Variants in PCSK5 observed in about 807,000 individuals in gnomAD.
PCSK5 encodes the protein proprotein convertase subtilisin/kexin type 5, also known as prohormone convertase 5.
Under a neutral mutation model 233.2 loss-of-function variants are expected in PCSK5, and 129 were observed. The ratio of observed to expected loss-of-function variants is 0.55; its 90% CI spans 0.48 to 0.64. PCSK5 has a LOEUF of 0.64. PCSK5 is among the 30% of genes least tolerant of loss of function. The pLI, the probability that PCSK5 is intolerant of heterozygous loss-of-function variation, is 0.00. For synonymous variants in PCSK5, 825 were observed against 879.2 expected (o/e 0.94, Z 1.09); for missense variants, 2,076 against 2,430.1 (o/e 0.85, Z 3.06).
intron 12 of PCSK5, among the ~76,000 whole-genome samples, chr9:76,160,447 T>C (rs1022858620): frequency 6.6e-6 from 1 of 152,144 alleles, no homozygotes; most frequent in Non-Finnish European, 1.5e-5. Flanking sequence ...TTTTTTTTTC[T>C]CTCAGAAGAA....
Position 76,240,695 on chromosome 9 carries a change from T to A in PCSK5, c.3142+11T>A. ...TGGGATGCAGCTTGGGTATGTCCTC[T>A]TCCTTTGTCACCTAAAGAGTTGAAA... On this transcript the variant is annotated intron_variant, in intron 24 of 37. Transcript: ENST00000674117. The A allele has an allele frequency of 6.4e-7, 1 of 1,560,700 alleles. No homozygotes were observed. The highest frequency in any genetic ancestry group is 8.7e-7 in the Non-Finnish European group (1 of 1,145,518).
At chr9:76,175,286 C>CTAATCGAATA in intron 14 of PCSK5, 157 bp downstream of exon 14, 2 of 540,668 alleles carry the variant, frequency 3.7e-6, no homozygotes, top group Non-Finnish European at 6.4e-6. Context: ...CGAATCGAAT[C>CTAATCGAATA]GAATCGAATA....
intron 10 of PCSK5, among the ~76,000 whole-genome samples, chr9:76,138,856 C>G (rs1223151719): frequency 6.6e-6 from 1 of 152,020 alleles, no homozygotes; most frequent in East Asian, 1.9e-4. Context: ...GGTTACCACG[C>G]CTTCCATTTC....
intron 33 of PCSK5, among the ~76,000 whole-genome samples, chr9:76,331,603 C>T (rs570591696): frequency 6.7e-6 from 1 of 150,032 alleles, no homozygotes; most frequent in East Asian, 2.0e-4. Flanking sequence ...GAAGGTGGAG[C>T]TTGCAGTGAG....
chr9:75,973,066 C>T (rs1026747726), intron 2 of PCSK5, among the ~76,000 whole-genome samples: 1 of 140,000 alleles, frequency 7.1e-6, no homozygotes, highest in African/African-American at 2.6e-5. Context: ...CCCCACTATG[C>T]CTCAGTCTCC....
intron 21 of PCSK5, among the ~76,000 whole-genome samples, chr9:76,230,163 G>C (rs1826031156): frequency 6.6e-6 from 1 of 152,156 alleles, no homozygotes; most frequent in Non-Finnish European, 1.5e-5. Context: ...AATATTTTGG[G>C]GGGAGGTTGG....
At chr9:76,264,022 A>G (rs561882951) in intron 24 of PCSK5, among the ~76,000 whole-genome samples, 1 of 152,328 alleles carries the variant, frequency 6.6e-6, no homozygotes, top group East Asian at 1.9e-4. Context: ...CAAAAAGAAG[A>G]AAGCTGGAGG....
chr9:75,940,417 G>A (rs373326762), intron 2 of PCSK5, among the ~76,000 whole-genome samples: 4 of 152,220 alleles, frequency 2.6e-5, no homozygotes, highest in African/African-American at 9.6e-5. Context: ...CATTTCCTCT[G>A]AAGAGAATTT....
chr9:76,157,431 G>A (rs372220791), intron 11 of PCSK5, among the ~76,000 whole-genome samples: 1 of 149,242 alleles, frequency 6.7e-6, no homozygotes, highest in Non-Finnish European at 1.5e-5. Context: ...TTCTACTGTC[G>A]ATATTTCTAT....
At chr9:76,329,405 C>A (rs1056199703) in intron 33 of PCSK5, among the ~76,000 whole-genome samples, 1 of 151,884 alleles carries the variant, frequency 6.6e-6, no homozygotes, top group Non-Finnish European at 1.5e-5. Flanking sequence ...AGCTATTCTC[C>A]TGCCTCAGTC....
rs114524268 is a variant in PCSK5 at position 76,066,030 on chromosome 9, C to A, written c.633-1925C>A. On this transcript the variant is annotated intron_variant, in intron 5 of 37. Coordinates refer to ENST00000674117, the MANE Select transcript of PCSK5 (RefSeq NM_001372043.1). ...CAGTGTGTCTGTTTTTATGCTAGTACCATGCTGTTTTGGTTTCTACACCTT... is the reference window on the plus strand; with the variant it reads ...CAGTGTGTCTGTTTTTATGCTAGTAACATGCTGTTTTGGTTTCTACACCTT... Among the ~76,000 whole-genome samples, 1,290 of 152,158 alleles carry A rather than the reference C, an allele frequency of 8.5e-3. 12 individuals carry two copies. The highest frequency in any genetic ancestry group is 0.03 in the African/African-American group (1,237 of 41,500).
chr9:76,149,234 A>T (rs1209449244), intron 10 of PCSK5, among the ~76,000 whole-genome samples: 1 of 152,238 alleles, frequency 6.6e-6, no homozygotes, highest in Non-Finnish European at 1.5e-5. Context: ...AAATAGTGAC[A>T]TTCCCAGTGA....
At chr9:75,925,181 T>C (rs532601990) in intron 1 of PCSK5, among the ~76,000 whole-genome samples, 22 of 152,316 alleles carry the variant, frequency 1.4e-4, no homozygotes, top group African/African-American at 5.1e-4. Context: ...AGACAGACTT[T>C]GATGATTATG....
chr9:76,026,089 A>AGAGGAAGACCCTGTTT (rs139496348), intron 4 of PCSK5, among the ~76,000 whole-genome samples: 18,314 of 152,058 alleles, frequency 0.12, 1,222 homozygotes, highest in East Asian at 0.27. Context: ...CCTGGGTGAC[A>AGAGGAAGACCCTGTTT]GAGGAAGACC....
rs973551442 is a variant in PCSK5 at position 75,891,094 on chromosome 9, G to T, written c.-88G>T. The T allele has an allele frequency of 2.4e-6, 3 of 1,248,102 alleles. No homozygotes were observed. Among genetic ancestry groups the T allele is most frequent in the Non-Finnish European group, 3.1e-6 (3 of 968,600 alleles). 77.3% of individuals were successfully genotyped at this position (1,248,102 alleles called of 1,614,324 possible). ...CTGCGGCGGCCCGGGGCTGCTCGCCGGGCGGCGCAGGCCGGAGAAGTTAGT... is the reference window on the plus strand; with the variant it reads ...CTGCGGCGGCCCGGGGCTGCTCGCCTGGCGGCGCAGGCCGGAGAAGTTAGT... On this transcript the variant is annotated 5_prime_UTR_variant, in exon 1 of 38. Coordinates refer to ENST00000674117, the MANE Select transcript of PCSK5 (RefSeq NM_001372043.1).
At chr9:76,107,508 A>C (rs1832027764) in intron 9 of PCSK5, among the ~76,000 whole-genome samples, 157 bp downstream of exon 9, 1 of 152,212 alleles carries the variant, frequency 6.6e-6, no homozygotes, top group Non-Finnish European at 1.5e-5. Context: ...TTTTAAAAAA[A>C]ATTCCCCTAT....
At chr9:75,941,043 G>A (rs1419037846) in intron 2 of PCSK5, among the ~76,000 whole-genome samples, 3 of 152,182 alleles carry the variant, frequency 2.0e-5, no homozygotes, top group Non-Finnish European at 4.4e-5. Flanking sequence ...ATGGGGTCTA[G>A]CGTAGCTTCA....
intron 2 of PCSK5, among the ~76,000 whole-genome samples, chr9:75,963,401 T>A (rs1248193237): frequency 6.6e-6 from 1 of 152,232 alleles, no homozygotes; most frequent in African/African-American, 2.4e-5. Context: ...CTTGGAAGAA[T>A]AAGAATTATA....
intron 1 of PCSK5, among the ~76,000 whole-genome samples, chr9:75,920,796 ACT>A (rs755097443): frequency 2.7e-4 from 41 of 152,046 alleles, no homozygotes; most frequent in Non-Finnish European, 4.0e-4. Flanking sequence ...ACAGAGTAAG[ACT>A]CTGCCTCCAA....
Sources: allele counts gnomAD v4.1 joint callset (sites outside exome capture counted in the v4.1 genomes callset), GRCh38; gene constraint gnomAD v4.1.1; transcripts MANE v1.5; gene names NCBI Gene and HGNC (gene_info 2026-07-23, HGNC 2026-07-21).